GPHN: variants seen among roughly 807,000 people sequenced by gnomAD.
GPHN encodes the protein gephyrin.
A neutral mutation model predicts 95.5 loss-of-function variants in GPHN; 17 were observed. That is an observed-to-expected ratio of 0.18 (90% CI 0.12 to 0.27). GPHN has a LOEUF of 0.27. Among genes scored for constraint, GPHN ranks in the 10% least tolerant of loss-of-function variants. GPHN has a pLI of 1.00. For missense variants in GPHN, 660 were observed against 978.1 expected, an observed-to-expected ratio of 0.67 and a Z score of 4.34; for synonymous variants, 320 against 322.5, an observed-to-expected ratio of 0.99 and a Z score of 0.08.
the GPHN span, among the ~76,000 whole-genome samples, chr14:67,703,367 A>T: frequency 2.6e-5 from 4 of 152,176 alleles, no homozygotes; most frequent in Non-Finnish European, 5.9e-5. Flanking sequence ...ATGAGTTTAG[A>T]GTTAGGTTTT....
At chr14:66,803,428 G>T (rs1021670005) in intron 3 of GPHN, among the ~76,000 whole-genome samples, 5 of 152,150 alleles carry the variant, frequency 3.3e-5, no homozygotes, top group Non-Finnish European at 7.3e-5. Flanking sequence ...TACTTTTTTT[G>T]TGTAGATAGT....
intron 5 of GPHN, among the ~76,000 whole-genome samples, chr14:66,900,653 G>GTTTCATTTAACATAA (rs1275440978): frequency 1.3e-5 from 2 of 151,728 alleles, no homozygotes; most frequent in Non-Finnish European, 2.9e-5. Flanking sequence ...TCTTCCTTCT[G>GTTTCATTTAACATAA]TGCTTGCCTT....
At chr14:66,734,312 T>C (rs183793421) in intron 2 of GPHN, among the ~76,000 whole-genome samples, 38 of 152,290 alleles carry the variant, frequency 2.5e-4, no homozygotes, top group African/African-American at 7.5e-4. Flanking sequence ...TTTATTTATT[T>C]TTCTCCTCAC....
chr14:67,123,044 C>CTAGGAA (rs2079100338), intron 17 of GPHN, among the ~76,000 whole-genome samples: 1 of 152,228 alleles, frequency 6.6e-6, no homozygotes. Flanking sequence ...AACACTGCTG[C>CTAGGAA]CTGGCTGTCT....
chr14:67,044,264 G>A (rs2074872795), intron 10 of GPHN, among the ~76,000 whole-genome samples: 1 of 152,078 alleles, frequency 6.6e-6, no homozygotes, highest in African/African-American at 2.4e-5. Flanking sequence ...TTGAACCCAG[G>A]AGGTGGAGGT....
chr14:66,546,218 C>T (rs1266027368), intron 1 of GPHN, among the ~76,000 whole-genome samples: 5 of 150,920 alleles, frequency 3.3e-5, no homozygotes, highest in Non-Finnish European at 5.9e-5. Flanking sequence ...GGGATGGTGG[C>T]TGGGAAGAGG....
intron 5 of GPHN, among the ~76,000 whole-genome samples, chr14:66,887,451 G>A (rs1000275378): frequency 2.0e-5 from 3 of 152,132 alleles, no homozygotes; most frequent in Non-Finnish European, 2.9e-5. Context: ...GCTGGGCATG[G>A]TGCCACGTGC....
the GPHN span, among the ~76,000 whole-genome samples, chr14:67,577,770 TG>T: frequency 1.3e-5 from 2 of 151,794 alleles, no homozygotes; most frequent in South Asian, 2.1e-4. Context: ...TTTTTGTTTT[TG>T]TTTTTTTTAA....
the GPHN span, among the ~76,000 whole-genome samples, chr14:67,274,971 T>G: frequency 1.4e-4 from 21 of 152,360 alleles, no homozygotes; most frequent in East Asian, 3.9e-3. Context: ...CACATTGATT[T>G]TGTATCCTGA....
Position 67,027,644 on chromosome 14 carries a change from A to G in GPHN, c.1006+3969A>G, listed in dbSNP as rs571100639. On this transcript the variant is annotated intron_variant, in intron 10 of 22. Transcript: ENST00000478722. ...GTGCCCAGCCTTAATTGTTTTCTTG[A>G]TGTACTTTGTTCAGCCTGTGTTTTA... Among the ~76,000 whole-genome samples, 4 of 152,224 alleles carry G rather than the reference A, an allele frequency of 2.6e-5. No homozygotes were observed. The East Asian group carries it at 7.7e-4, about 29-fold the overall frequency.
intron 9 of GPHN, among the ~76,000 whole-genome samples, chr14:66,995,246 T>C (rs1488630019): frequency 2.0e-5 from 3 of 152,182 alleles, no homozygotes; most frequent in East Asian, 1.9e-4. Flanking sequence ...AAGAACATTA[T>C]CAGTTCAGCA....
chr14:66,553,143 C>T (rs2059884643), intron 1 of GPHN, among the ~76,000 whole-genome samples: 1 of 152,028 alleles, frequency 6.6e-6, no homozygotes, highest in Non-Finnish European at 1.5e-5. Flanking sequence ...GTGCCCGCTA[C>T]CATGCCCGGC....
chr14:67,010,061 GT>G (rs1338733130), intron 9 of GPHN, among the ~76,000 whole-genome samples: 4 of 151,566 alleles, frequency 2.6e-5, no homozygotes, highest in African/African-American at 9.7e-5. Context: ...GCCCAGCCGT[GT>G]TTTTCTTTTA....
At chr14:66,581,228 T>TAAA (rs55870261) in intron 1 of GPHN, among the ~76,000 whole-genome samples, 15 of 139,024 alleles carry the variant, frequency 1.1e-4, no homozygotes, top group Admixed American at 5.0e-4. Context: ...GGTGAAGATG[T>TAAA]AAAAAAAAAA....
intron 4 of GPHN, among the ~76,000 whole-genome samples, chr14:66,831,622 C>A (rs984994272): frequency 6.6e-6 from 1 of 152,148 alleles, no homozygotes; most frequent in African/African-American, 2.4e-5. Flanking sequence ...ATTAGTGCTA[C>A]TACTTACTAA....
chr14:67,460,225 C>T, the GPHN span, among the ~76,000 whole-genome samples: 18 of 152,214 alleles, frequency 1.2e-4, 1 homozygote, highest in Admixed American at 9.2e-4. Flanking sequence ...GTCTCTCATA[C>T]TGTGTGGTGT....
At chr14:66,580,602 A>T (rs1418349450) in intron 1 of GPHN, among the ~76,000 whole-genome samples, 1 of 151,840 alleles carries the variant, frequency 6.6e-6, no homozygotes, top group Non-Finnish European at 1.5e-5. Flanking sequence ...TCCTGGAAAC[A>T]TACATCTTAT....
At chr14:66,975,548 C>T (rs925068101) in intron 9 of GPHN, among the ~76,000 whole-genome samples, 1 of 152,050 alleles carries the variant, frequency 6.6e-6, no homozygotes, top group East Asian at 1.9e-4. Context: ...TACTGCGAGG[C>T]ACAGCATATT....
In GPHN at chr14:66,637,537, T is replaced by C. The variant is rs148993270; in HGVS notation, c.65-43570T>C. On this transcript the variant is annotated intron_variant, in intron 1 of 22. Coordinates refer to ENST00000478722, the MANE Select transcript of GPHN (RefSeq NM_020806.5). ...TAAGTCTAATGCATACTAGAGACTT[T>C]TTTATTCTTTGAGTTTCAGGAAGTT... Among the ~76,000 whole-genome samples, 730 of 152,236 alleles carry C rather than the reference T, an allele frequency of 4.8e-3. 10 individuals carry two copies. The highest frequency in any genetic ancestry group is 0.017 in the African/African-American group (705 of 41,574).
Sources: gnomAD v4.1 joint callset for allele counts (sites outside exome capture counted in the v4.1 genomes callset) on GRCh38, gnomAD v4.1.1 for gene constraint, MANE v1.5 for transcripts, NCBI Gene and HGNC (gene_info 2026-07-23, HGNC 2026-07-21) for gene names.